The following DCC variants were observed in gnomAD, a reference collection of about 807,000 sequenced individuals.
DCC encodes netrin receptor DCC.
A neutral mutation model predicts 172.5 loss-of-function variants in DCC; 58 were observed. The ratio of observed to expected loss-of-function variants is 0.34; its 90% CI spans 0.27 to 0.42. The LOEUF is 0.42. DCC is among the 10% of genes least tolerant of loss of function. The pLI, the probability that DCC is intolerant of heterozygous loss-of-function variation, is 1.00. For synonymous variants in DCC, 709 were observed against 644.5 expected (o/e 1.10, Z -1.52); for missense variants, 1,740 against 1,791.0 (o/e 0.97, Z 0.51).
At chr18:52,725,298 G>T (rs1384375536) in intron 1 of DCC, among the ~76,000 whole-genome samples, 5 of 152,182 alleles carry the variant, frequency 3.3e-5, no homozygotes, top group Non-Finnish European at 7.3e-5. Flanking sequence ...ATTTCCCTCT[G>T]TGCCCAGCAC....
At chr18:53,099,198 A>T (rs2043128146) in intron 7 of DCC, among the ~76,000 whole-genome samples, 1 of 151,962 alleles carries the variant, frequency 6.6e-6, no homozygotes, top group South Asian at 2.1e-4. Context: ...TTCCATTTGT[A>T]TTGGTTTGTC....
chr18:52,405,686 G>A (rs1299537133), intron 1 of DCC, among the ~76,000 whole-genome samples: 1 of 151,626 alleles, frequency 6.6e-6, no homozygotes, highest in East Asian at 2.0e-4. Context: ...ACAAACAAAT[G>A]GAAGAACATT....
intron 5 of DCC, among the ~76,000 whole-genome samples, chr18:52,979,722 A>G (rs565601281): frequency 1.3e-5 from 2 of 152,344 alleles, no homozygotes; most frequent in East Asian, 3.9e-4. Flanking sequence ...AGTGTACTGA[A>G]TGAGAAGAGC....
chr18:52,752,496 G>A (rs1455514099), intron 2 of DCC, 122 bp downstream of exon 2: 16 of 775,568 alleles, frequency 2.1e-5, no homozygotes, highest in Non-Finnish European at 3.3e-5. Flanking sequence ...TAAATTTTAA[G>A]TTGACAAGTA....
At chr18:52,708,989 A>G (rs2036254014) in intron 1 of DCC, among the ~76,000 whole-genome samples, 1 of 152,160 alleles carries the variant, frequency 6.6e-6, no homozygotes, top group Non-Finnish European at 1.5e-5. Context: ...GTACAGAACA[A>G]TAATTAATAT....
chr18:53,341,863 A>C (rs1348109575), intron 15 of DCC, among the ~76,000 whole-genome samples: 2 of 152,120 alleles, frequency 1.3e-5, no homozygotes, highest in East Asian at 3.9e-4. Flanking sequence ...TCAACACATC[A>C]GTTTCCATAG....
At chr18:53,335,184 C>G (rs1382173394) in intron 14 of DCC, among the ~76,000 whole-genome samples, 1 of 152,182 alleles carries the variant, frequency 6.6e-6, no homozygotes, top group Non-Finnish European at 1.5e-5. Flanking sequence ...TGTTTCCTCT[C>G]CCTACAGAGC....
chr18:52,687,035 C>T (rs1415647669), intron 1 of DCC, among the ~76,000 whole-genome samples: 1 of 152,080 alleles, frequency 6.6e-6, no homozygotes, highest in Non-Finnish European at 1.5e-5. Flanking sequence ...TTCTTTCACT[C>T]TTCCCAACTA....
chr18:53,169,225 C>A (rs1306515064), intron 8 of DCC, among the ~76,000 whole-genome samples: 2 of 152,182 alleles, frequency 1.3e-5, no homozygotes, highest in African/African-American at 4.8e-5. Context: ...GTTAGTGGGT[C>A]AAACTGCATG....
chr18:52,489,514 T>C (rs1452886649), intron 1 of DCC, among the ~76,000 whole-genome samples: 3 of 152,084 alleles, frequency 2.0e-5, no homozygotes, highest in South Asian at 4.1e-4. Flanking sequence ...GAGAGGTAAA[T>C]CTTTCTGTTG....
chr18:53,073,888 T>A (rs1390194806), intron 7 of DCC, among the ~76,000 whole-genome samples: 2 of 151,026 alleles, frequency 1.3e-5, no homozygotes, highest in Non-Finnish European at 2.9e-5. Flanking sequence ...AGGAATATAC[T>A]AATAAAATTG....
intron 5 of DCC, among the ~76,000 whole-genome samples, chr18:53,043,907 T>C (rs2042202315): frequency 6.6e-6 from 1 of 151,874 alleles, no homozygotes. Context: ...TCCATTAAAG[T>C]ACTGTTACTG....
At position 53,332,246 on chromosome 18, in the gene DCC, T is replaced by C. The variant is rs2057536761; in HGVS notation, c.2165-7467T>C. On this transcript the variant is annotated intron_variant, in intron 14 of 28. Transcript: ENST00000442544. ...ATCGACTCCTGTTAGACTTCTACATTCTTTTTCTATCTAGGCAAAAAAAGT... is the reference window on the plus strand; with the variant it reads ...ATCGACTCCTGTTAGACTTCTACATCCTTTTTCTATCTAGGCAAAAAAAGT... Among the ~76,000 whole-genome samples, 5 of 152,138 alleles carry C rather than the reference T, an allele frequency of 3.3e-5. No homozygotes were observed. In the South Asian group the frequency reaches 1.0e-3, roughly 32 times the overall value.
chr18:53,313,394 C>T (rs1009174665), intron 13 of DCC, among the ~76,000 whole-genome samples: 2 of 151,972 alleles, frequency 1.3e-5, no homozygotes, highest in African/African-American at 4.8e-5. Context: ...TACAGACGTG[C>T]GTCACCACGT....
At chr18:53,281,153 A>G (rs548111490) in intron 12 of DCC, among the ~76,000 whole-genome samples, 35 of 152,324 alleles carry the variant, frequency 2.3e-4, no homozygotes, top group African/African-American at 8.2e-4. Flanking sequence ...TGTGAGCATT[A>G]CTGGGTAATT....
intron 1 of DCC, among the ~76,000 whole-genome samples, chr18:52,451,065 A>G (rs1367362690): frequency 6.6e-6 from 1 of 152,232 alleles, no homozygotes; most frequent in Non-Finnish European, 1.5e-5. Context: ...GTAACCATGT[A>G]GAACATTAGA....
intron 1 of DCC, among the ~76,000 whole-genome samples, chr18:52,424,079 C>T (rs1192540429): frequency 6.6e-6 from 1 of 152,060 alleles, no homozygotes; most frequent in Non-Finnish European, 1.5e-5. Context: ...TGTTGATGAA[C>T]TTCTATGTGT....
intron 2 of DCC, among the ~76,000 whole-genome samples, chr18:52,801,258 G>A (rs1277367145): frequency 6.6e-6 from 1 of 152,160 alleles, no homozygotes; most frequent in Non-Finnish European, 1.5e-5. Context: ...AGCTTCTATT[G>A]TAATTCTCAA....
At chr18:52,484,384 G>A (rs866424414) in intron 1 of DCC, among the ~76,000 whole-genome samples, 13 of 151,930 alleles carry the variant, frequency 8.6e-5, no homozygotes, top group South Asian at 6.2e-4. Context: ...AGGGAGAGGC[G>A]GAAACTGTGA....
Sources: allele counts gnomAD v4.1 joint callset (sites outside exome capture counted in the v4.1 genomes callset), GRCh38; gene constraint gnomAD v4.1.1; transcripts MANE v1.5; gene names NCBI Gene and HGNC (gene_info 2026-07-23, HGNC 2026-07-21).